Variants in SLC13A3 observed in about 807,000 individuals in gnomAD.
SLC13A3 encodes Na(+)/dicarboxylate cotransporter 3.
SLC13A3 carries 40 observed loss-of-function variants against 59.0 expected under a neutral mutation model. That is an observed-to-expected ratio of 0.68 (90% CI 0.53 to 0.88). The LOEUF (loss-of-function observed/expected upper bound fraction) is 0.88. SLC13A3 is among the 40% of genes least tolerant of loss of function. The pLI, the probability that SLC13A3 is intolerant of heterozygous loss-of-function variation, is 0.00. For missense variants in SLC13A3, 699 were observed against 783.2 expected (o/e 0.89, Z 1.28); for synonymous variants, 317 against 330.3 (o/e 0.96, Z 0.44).
chr20:46,683,060 C>A (rs2063160967), intron 1 of SLC13A3, among the ~76,000 whole-genome samples: 1 of 152,166 alleles, frequency 6.6e-6, no homozygotes, highest in South Asian at 2.1e-4. Flanking sequence ...TCTCCAGTCT[C>A]CAATATCTGC....
intron 1 of SLC13A3, among the ~76,000 whole-genome samples, chr20:46,647,359 G>A (rs2062905442): frequency 1.3e-5 from 2 of 152,156 alleles, no homozygotes; most frequent in African/African-American, 4.8e-5. Flanking sequence ...GGCAGGAAAG[G>A]GGGTAAGGCT....
chr20:46,637,600 C>T (rs1424814446), intron 1 of SLC13A3, among the ~76,000 whole-genome samples: 1 of 152,186 alleles, frequency 6.6e-6, no homozygotes, highest in Non-Finnish European at 1.5e-5. Flanking sequence ...AATACCACTA[C>T]GACTACTACT....
intron 1 of SLC13A3, among the ~76,000 whole-genome samples, chr20:46,619,219 G>A (rs2062590646): frequency 1.3e-5 from 2 of 152,172 alleles, no homozygotes; most frequent in South Asian, 4.2e-4. Context: ...CTGCCTTCTT[G>A]CCTATGCTGG....
upstream of SLC13A3, among the ~76,000 whole-genome samples, chr20:46,673,126 AAAC>A (rs2063102674): frequency 6.6e-6 from 1 of 152,162 alleles, no homozygotes; most frequent in Admixed American, 6.5e-5. Context: ...TAGATAATAA[AAAC>A]AACTACATCA....
intron 1 of SLC13A3, among the ~76,000 whole-genome samples, chr20:46,627,836 C>T (rs750101332): frequency 2.6e-5 from 4 of 152,170 alleles, no homozygotes; most frequent in African/African-American, 4.8e-5. Flanking sequence ...GTACTGAAAA[C>T]CCCTGCTCCA....
chr20:46,662,559 A>G (rs976363171), intron 1 of SLC13A3, among the ~76,000 whole-genome samples: 2 of 152,236 alleles, frequency 1.3e-5, no homozygotes, highest in African/African-American at 4.8e-5. Flanking sequence ...AAAGGAAGTA[A>G]GCACCTGCTA....
chr20:46,609,603 T>C (rs1051547865), intron 3 of SLC13A3, among the ~76,000 whole-genome samples: 8 of 152,250 alleles, frequency 5.3e-5, no homozygotes, highest in African/African-American at 1.9e-4. Flanking sequence ...TTCATGTGTA[T>C]TTTCAGCTTA....
intron 1 of SLC13A3, among the ~76,000 whole-genome samples, chr20:46,666,787 A>T (rs1312547328): frequency 2.0e-5 from 3 of 152,170 alleles, no homozygotes; most frequent in Admixed American, 2.0e-4. Context: ...TACAGGCATG[A>T]GCCATCACAC....
In SLC13A3 at chr20:46,592,527, AAACT is replaced by A; in HGVS notation, c.795-2_796del. The A allele has an allele frequency of 1.2e-6, 2 of 1,613,600 alleles. No individual in the cohort carries two copies. Among genetic ancestry groups the A allele is most frequent in the Non-Finnish European group, 1.7e-6 (2 of 1,179,664 alleles). ...ATTCACCACGTCACACTGCGGAAAG[AAACT>A]GGAGAACAGCGGGAGATGAGAACAG... On this transcript the variant is annotated splice_acceptor_variant and coding_sequence_variant, in exon 6 of 13. Coordinates refer to ENST00000279027, the MANE Select transcript of SLC13A3 (RefSeq NM_022829.6). LOFTEE classifies it high-confidence loss of function.
chr20:46,655,848 GTATATAATATATA>G, upstream of SLC13A3, among the ~76,000 whole-genome samples: 1 of 133,654 alleles, frequency 7.5e-6, no homozygotes, highest in African/African-American at 2.8e-5. Context: ...ATATTATACT[GTATATAATATATA>G]TACTGTACAG....
intron 3 of SLC13A3, among the ~76,000 whole-genome samples, chr20:46,600,313 G>GGGAAGGAAGGAAGGAAGGAAAGGAA (rs144741251): frequency 1.6e-5 from 2 of 123,882 alleles, no homozygotes; most frequent in African/African-American, 3.2e-5. Flanking sequence ...GAAAGAAAGA[G>GGGAAGGAAGGAAGGAAGGAAAGGAA]GGAAGGAAGG....
intron 1 of SLC13A3, among the ~76,000 whole-genome samples, chr20:46,642,160 A>G (rs2062851672): frequency 6.6e-6 from 1 of 152,218 alleles, no homozygotes; most frequent in South Asian, 2.1e-4. Flanking sequence ...CCATCTGAGT[A>G]TAAAAACTTC....
At chr20:46,630,910 T>C (rs1881003808) in intron 1 of SLC13A3, among the ~76,000 whole-genome samples, 1 of 152,230 alleles carries the variant, frequency 6.6e-6, no homozygotes, top group Non-Finnish European at 1.5e-5. Flanking sequence ...CATATGATCA[T>C]ACCATCTCCC....
At chr20:46,580,401 T>C (rs1249886098) in intron 9 of SLC13A3, among the ~76,000 whole-genome samples, 1 of 151,320 alleles carries the variant, frequency 6.6e-6, no homozygotes, top group African/African-American at 2.4e-5. Context: ...ATCTGCTGTA[T>C]ACAAATGTTA....
At chr20:46,639,112 G>C (rs1379750462) in intron 1 of SLC13A3, among the ~76,000 whole-genome samples, 1 of 151,320 alleles carries the variant, frequency 6.6e-6, no homozygotes, top group South Asian at 2.1e-4. Flanking sequence ...GCACGAAGAG[G>C]TTAAGTAACT....
At chr20:46,623,919 G>A (rs1296134970) in intron 1 of SLC13A3, among the ~76,000 whole-genome samples, 2 of 152,174 alleles carry the variant, frequency 1.3e-5, no homozygotes, top group Non-Finnish European at 2.9e-5. Context: ...GAACCCAGGT[G>A]GTCTGACCAG....
intron 9 of SLC13A3, among the ~76,000 whole-genome samples, chr20:46,576,779 T>C (rs1321909977): frequency 1.3e-5 from 2 of 152,228 alleles, no homozygotes; most frequent in Admixed American, 1.3e-4. Flanking sequence ...GGACACTTCC[T>C]GGTCAAGCAG....
intron 1 of SLC13A3, among the ~76,000 whole-genome samples, chr20:46,669,006 T>G (rs1452402256): frequency 1.3e-5 from 2 of 152,186 alleles, no homozygotes; most frequent in Non-Finnish European, 1.5e-5. Context: ...CATTCCTTAC[T>G]AGGTATGTTC....
At position 46,658,247 on chromosome 20, in the gene SLC13A3, A is replaced by G. The variant is rs1221111390; in HGVS notation, c.-31+11796T>C. On this transcript the variant is annotated intron_variant, in intron 1 of 12. Coordinates refer to the SLC13A3 transcript ENST00000290317. ...TTATGCTATATGAAAGAAGCTGAAC[A>G]TAAAAAAAACTACATTCTGCATAAT... 3.9e-5 allele frequency among the ~76,000 whole-genome samples: 6 copies of G among 152,162 alleles called. No individual in the cohort carries two copies. The East Asian group carries it at 1.2e-3, about 29-fold the overall frequency.
Sources: allele counts gnomAD v4.1 joint callset (sites outside exome capture counted in the v4.1 genomes callset), GRCh38; gene constraint gnomAD v4.1.1; transcripts MANE v1.5; gene names NCBI Gene and HGNC (gene_info 2026-07-23, HGNC 2026-07-21).